RNF32: variants seen among roughly 807,000 people sequenced by gnomAD.
The protein encoded by RNF32 is ring finger protein 32.
RNF32 carries 36 observed loss-of-function variants against 41.0 expected under a neutral mutation model. That is an observed-to-expected ratio of 0.88 (90% CI 0.67 to 1.16). RNF32 has a LOEUF of 1.16. Among genes scored for constraint, RNF32 ranks in the 50% most tolerant of loss-of-function variants. The pLI, the probability that RNF32 is intolerant of heterozygous loss-of-function variation, is 0.00. For missense variants in RNF32, 413 were observed against 436.7 expected (o/e 0.95, Z 0.48); for synonymous variants, 154 against 160.9 (o/e 0.96, Z 0.32).
intron 1 of RNF32, 119 bp from the exon 2 acceptor site, chr7:156,643,682 C>T (rs771523101): frequency 3.3e-5 from 20 of 611,108 alleles, no homozygotes; most frequent in Non-Finnish European, 5.3e-5. Flanking sequence ...TTAGTGCCAC[C>T]CTGTAGCAGG....
Position 156,658,624 on chromosome 7 carries a change from T to C in RNF32, c.684+54T>C, listed in dbSNP as rs569519936. ...TATGGTCTCCGTGCGGGTGGTTCAC[T>C]TGGGGTCAGGAAGGCTAACAGAGGT... On this transcript the variant is annotated intron_variant, in intron 7 of 8. Transcript: ENST00000317955. The C allele has an allele frequency of 5.0e-6, 6 of 1,211,584 alleles. No individual in the cohort carries two copies. The South Asian group carries it at 7.5e-5, about 15-fold the overall frequency. 75.1% of individuals were successfully genotyped at this position (1,211,584 alleles called of 1,614,324 possible).
chr7:156,655,297 G>A (rs535047479), intron 4 of RNF32, among the ~76,000 whole-genome samples: 1 of 151,368 alleles, frequency 6.6e-6, no homozygotes, highest in Non-Finnish European at 1.5e-5. Context: ...TATATATAGA[G>A]AGAGAGAGAG....
intron 1 of RNF32, 36 bp downstream of exon 1, chr7:156,640,847 G>C (rs1227972646): frequency 4.9e-6 from 1 of 204,850 alleles, no homozygotes; most frequent in Non-Finnish European, 1.0e-5. Context: ...CGGAAAGAAG[G>C]GTGGCCCGCC....
At chr7:156,666,536 A>G (rs527832105) in intron 7 of RNF32, among the ~76,000 whole-genome samples, 2 of 152,354 alleles carry the variant, frequency 1.3e-5, no homozygotes, top group African/African-American at 4.8e-5. Flanking sequence ...GTCTTGTGGT[A>G]AGAATTGAAA....
chr7:156,643,935 G>A (rs1797680871), intron 2 of RNF32, 43 bp downstream of exon 2: 1 of 1,536,662 alleles, frequency 6.5e-7, no homozygotes, highest in Non-Finnish European at 9.0e-7. Context: ...TTTGACTCAT[G>A]AAATGTATTT....
intron 3 of RNF32, among the ~76,000 whole-genome samples, chr7:156,646,270 C>T (rs994278876): frequency 1.3e-5 from 2 of 152,184 alleles, no homozygotes; most frequent in African/African-American, 4.8e-5. Context: ...TCTCAGTGTC[C>T]TGGAGGCCAG....
chr7:156,649,650 T>C (rs1049191678), intron 3 of RNF32, among the ~76,000 whole-genome samples: 37 of 152,230 alleles, frequency 2.4e-4, no homozygotes, highest in Non-Finnish European at 4.7e-4. Context: ...ATGCTTTTTT[T>C]CCTGCAACTT....
At chr7:156,655,366 C>G (rs911880717) in intron 4 of RNF32, among the ~76,000 whole-genome samples, 1 of 151,654 alleles carries the variant, frequency 6.6e-6, no homozygotes, top group Non-Finnish European at 1.5e-5. Context: ...ACTATTGTCC[C>G]CTGAAGTTGG....
intron 3 of RNF32, among the ~76,000 whole-genome samples, chr7:156,645,617 C>T (rs185443328): frequency 1.2e-4 from 18 of 152,270 alleles, no homozygotes; most frequent in Admixed American, 1.2e-3. Context: ...GACAGAGAAC[C>T]AGATCTGCAG....
chr7:156,643,738 C>T (rs892689780), intron 1 of RNF32, 63 bp from the exon 2 acceptor site: 15 of 781,020 alleles, frequency 1.9e-5, no homozygotes, highest in East Asian at 2.5e-5. Context: ...AGAGCATCCT[C>T]ACAAACTTCA....
At chr7:156,640,744 G>T (rs1203928667), upstream of RNF32, 2 of 275,116 alleles carry the variant, frequency 7.3e-6, no homozygotes, top group East Asian at 1.7e-4. Context: ...AACGGTGGGC[G>T]GCCAGGGAGT....
intron 7 of RNF32, among the ~76,000 whole-genome samples, chr7:156,662,957 C>T (rs868139606): frequency 2.0e-5 from 3 of 151,662 alleles, no homozygotes; most frequent in Middle Eastern, 3.4e-3. Context: ...AGGCCATTCT[C>T]CTGCCTCAGC....
chr7:156,640,660 G>A (rs1038507448), upstream of RNF32: 1 of 351,746 alleles, frequency 2.8e-6, no homozygotes. Flanking sequence ...AGCATGCGCA[G>A]TATGGGGCGG....
In RNF32 at chr7:156,643,952, A is replaced by C; in HGVS notation, c.15+60A>C. The C allele has an allele frequency of 4.1e-6, 6 of 1,464,702 alleles. No individual in the cohort carries two copies. The South Asian group carries it at 6.9e-5, about 17-fold the overall frequency. 90.7% of individuals were successfully genotyped at this position (1,464,702 alleles called of 1,614,324 possible). A position where few individuals can be genotyped will look rare whatever the true frequency, so the allele number is the denominator to read the frequency against. On this transcript the variant is annotated intron_variant, in intron 2 of 8. Transcript: ENST00000317955. ...TGACTCATGAAATGTATTTTAATTC[A>C]GCCATTTGAGAGTATAAAAACTAGT...
rs776582471 is a variant in RNF32 at position 156,654,569 on chromosome 7, A to T, written c.275-7A>T. The T allele has an allele frequency of 1.9e-6, 3 of 1,613,434 alleles. No individual in the cohort carries two copies. Among genetic ancestry groups the T allele is most frequent in the African/African-American group, 2.7e-5 (2 of 75,054 alleles). On this transcript the variant is annotated splice_region_variant and splice_polypyrimidine_tract_variant and intron_variant, in intron 3 of 8. Coordinates refer to ENST00000317955, the MANE Select transcript of RNF32 (RefSeq NM_030936.4). ...TCTAACTCCTGTCCTGTGCTGTCTT[A>T]CTTTAGCACAGAAGTTGGGCCTCAT... is the stretch of plus-strand genomic sequence containing the variant.
At chr7:156,672,202 T>C (rs1563097662) in intron 7 of RNF32, among the ~76,000 whole-genome samples, 2 of 152,350 alleles carry the variant, frequency 1.3e-5, no homozygotes, top group Middle Eastern at 3.4e-3. Flanking sequence ...TTGGTATATA[T>C]GCAAAACTGA....
chr7:156,644,363 A>C (rs191361057), intron 2 of RNF32, 136 bp from the exon 3 acceptor site: 1 of 691,114 alleles, frequency 1.4e-6, no homozygotes, highest in East Asian at 2.7e-5. Context: ...CTACTTAGGT[A>C]ACAATGAGTC....
intron 3 of RNF32, among the ~76,000 whole-genome samples, chr7:156,645,063 G>A (rs1797816571): frequency 6.6e-6 from 1 of 152,148 alleles, no homozygotes; most frequent in Non-Finnish European, 1.5e-5. Context: ...ATCCCTTATA[G>A]TAGAATGAAT....
At chr7:156,673,257 AG>A (rs1291538284) in intron 7 of RNF32, among the ~76,000 whole-genome samples, 1 of 152,208 alleles carries the variant, frequency 6.6e-6, no homozygotes, top group Non-Finnish European at 1.5e-5. Context: ...CTTGCTTTTC[AG>A]GCATATGTGG....
Sources: gnomAD v4.1 joint callset for allele counts (sites outside exome capture counted in the v4.1 genomes callset) on GRCh38, gnomAD v4.1.1 for gene constraint, MANE v1.5 for transcripts, NCBI Gene and HGNC (gene_info 2026-07-23, HGNC 2026-07-21) for gene names.